The following DENND1A variants were observed in gnomAD, a reference collection of about 807,000 sequenced individuals.
The protein encoded by DENND1A is DENN domain containing 1A.
A neutral mutation model predicts 113.7 loss-of-function variants in DENND1A; 51 were observed. The ratio of observed to expected loss-of-function variants is 0.45; its 90% confidence interval spans 0.36 to 0.57. The LOEUF is 0.57. Among genes scored for constraint, DENND1A ranks in the 20% least tolerant of loss-of-function variants. The pLI is 0.00. For synonymous variants in DENND1A, 565 were observed against 570.8 expected, an observed-to-expected ratio of 0.99 and a Z score of 0.14; for missense variants, 1,258 against 1,395.9, an observed-to-expected ratio of 0.90 and a Z score of 1.57.
intron 20 of DENND1A, among the ~76,000 whole-genome samples, chr9:123,404,420 A>C (rs1588360079): frequency 1.3e-5 from 2 of 152,240 alleles, no homozygotes; most frequent in African/African-American, 4.8e-5. Flanking sequence ...GAGAAAGTCT[A>C]TCTCTGAATT....
intron 2 of DENND1A, among the ~76,000 whole-genome samples, chr9:123,855,800 G>A (rs2133210991): frequency 6.6e-6 from 1 of 152,292 alleles, no homozygotes; most frequent in African/African-American, 2.4e-5. Context: ...CACTTTGTGA[G>A]GCTGAGGCAG....
At chr9:123,627,092 G>C (rs914923018) in intron 10 of DENND1A, among the ~76,000 whole-genome samples, 9 of 152,172 alleles carry the variant, frequency 5.9e-5, no homozygotes, top group African/African-American at 1.9e-4. Context: ...GGTGGGGAGA[G>C]TGAGGGCTCA....
chr9:123,903,611 G>A (rs1460847792), intron 1 of DENND1A, among the ~76,000 whole-genome samples: 4 of 152,236 alleles, frequency 2.6e-5, no homozygotes, highest in Non-Finnish European at 4.4e-5. Flanking sequence ...AAGAGGTGAC[G>A]GATGCACCTG....
chr9:123,414,587 G>A (rs1193009128), intron 19 of DENND1A: 5 of 1,550,450 alleles, frequency 3.2e-6, no homozygotes, highest in Non-Finnish European at 4.4e-6. Context: ...GATTCACAAC[G>A]CCTGTTAGCA....
At position 123,915,042 on chromosome 9, in the gene DENND1A, A is replaced by G. The variant is rs146034368; in HGVS notation, c.17+14847T>C. On this transcript the variant is annotated intron_variant, in intron 1 of 23. Transcript: ENST00000394215. The stretch of plus-strand genomic sequence containing the variant: ...AGGCCAAGGCCCCCACAAAGGCTGC[A>G]AAGTAGAGGTTTCCATCCTGCCAAC... Among the ~76,000 whole-genome samples the G allele has an allele frequency of 3.0e-3, 460 of 152,260 alleles. 6 individuals are homozygous for G. The highest frequency in any genetic ancestry group is 4.7e-3 in the Non-Finnish European group (317 of 68,000).
chr9:123,556,888 GAGA>G (rs1342847402), intron 13 of DENND1A, among the ~76,000 whole-genome samples: 11 of 152,240 alleles, frequency 7.2e-5, no homozygotes, highest in African/African-American at 2.7e-4. Context: ...CTTGGTTTCA[GAGA>G]AGACCTGCTG....
intron 5 of DENND1A, among the ~76,000 whole-genome samples, chr9:123,756,415 A>G (rs1340208362): frequency 6.6e-6 from 1 of 152,190 alleles, no homozygotes; most frequent in Non-Finnish European, 1.5e-5. Context: ...AATGTAAATA[A>G]TCATTTACAT....
At chr9:123,437,034 G>T (rs1179582039) in intron 19 of DENND1A, among the ~76,000 whole-genome samples, 1 of 152,148 alleles carries the variant, frequency 6.6e-6, no homozygotes, top group Non-Finnish European at 1.5e-5. Flanking sequence ...ACTATGAAGT[G>T]ACTATGACTA....
intron 9 of DENND1A, among the ~76,000 whole-genome samples, chr9:123,633,026 G>A (rs1275111010): frequency 6.6e-6 from 1 of 152,118 alleles, no homozygotes; most frequent in Non-Finnish European, 1.5e-5. Flanking sequence ...TCCTGCCTCA[G>A]CCTTCTGAGT....
At chr9:123,500,031 G>T (rs962461259) in intron 13 of DENND1A, among the ~76,000 whole-genome samples, 1 of 152,218 alleles carries the variant, frequency 6.6e-6, no homozygotes, top group African/African-American at 2.4e-5. Flanking sequence ...CTACATAGGG[G>T]TTTAATTACT....
At chr9:123,390,070 G>A (rs1479514476) in intron 21 of DENND1A, among the ~76,000 whole-genome samples, 5 of 152,214 alleles carry the variant, frequency 3.3e-5, no homozygotes, top group East Asian at 1.9e-4. Context: ...TCAGCTCAGC[G>A]GGACTTCTAC....
Position 123,440,366 on chromosome 9 carries a change from A to G in DENND1A, c.1482T>C (p.Phe494=). ...GGAGGGCCAGGGTACACACCTGTCC[A>G]AAGTGGACTGTGATTGGCCGCCGGT... ...REDRRPITVH[F]GQLQRLRPTR... The change falls in exon 19 of 24, where the codon TTT becomes TTC. Residue 494 remains phenylalanine (F), a synonymous_variant. Transcript: ENST00000394215. 7 of 1,601,058 alleles carry G rather than the reference A, an allele frequency of 4.4e-6. No homozygotes were observed. The highest frequency in any genetic ancestry group is 6.0e-6 in the Non-Finnish European group (7 of 1,175,338).
At chr9:123,670,665 C>G (rs2063721232) in intron 7 of DENND1A, among the ~76,000 whole-genome samples, 1 of 152,210 alleles carries the variant, frequency 6.6e-6, no homozygotes, top group African/African-American at 2.4e-5. Context: ...TAAGCACTCT[C>G]CTGCTCTGTC....
At chr9:123,903,981 C>A (rs1391429833) in intron 1 of DENND1A, among the ~76,000 whole-genome samples, 1 of 152,092 alleles carries the variant, frequency 6.6e-6, no homozygotes, top group Non-Finnish European at 1.5e-5. Flanking sequence ...TGTCTGACAG[C>A]TTTGAAGAGA....
chr9:123,650,454 A>G (rs1435522939), intron 9 of DENND1A, among the ~76,000 whole-genome samples: 1 of 152,176 alleles, frequency 6.6e-6, no homozygotes, highest in Non-Finnish European at 1.5e-5. Context: ...CTCCACTTAT[A>G]AAAATATTTT....
rs149745404 is a variant in DENND1A, at chr9:123,463,270, A to G, written c.994-5373T>C. Among the ~76,000 whole-genome samples, 11 of 152,328 alleles carry G rather than the reference A, an allele frequency of 7.2e-5. No homozygotes were observed. In the East Asian group the frequency reaches 2.1e-3, roughly 29 times the overall value. The stretch of plus-strand genomic sequence containing the variant: ...GTCGAGAACTTTGTTACAAAAAGAC[A>G]AGTTTTACTCCTGGATTATCTTCTT... On this transcript the variant is annotated intron_variant, in intron 13 of 23. Coordinates refer to ENST00000394215, the MANE Select transcript of DENND1A (RefSeq NM_001352964.2).
intron 13 of DENND1A, among the ~76,000 whole-genome samples, chr9:123,525,594 C>G (rs987438206): frequency 1.3e-5 from 2 of 152,160 alleles, no homozygotes; most frequent in Non-Finnish European, 2.9e-5. Flanking sequence ...CACTATGACC[C>G]TGCTCTACAG....
chr9:123,609,393 A>T, intron 11 of DENND1A, 43 bp downstream of exon 11: 1 of 1,601,774 alleles, frequency 6.2e-7, no homozygotes, highest in Non-Finnish European at 8.5e-7. Context: ...AATGAAACAA[A>T]GCCCCAGGTA....
intron 19 of DENND1A, among the ~76,000 whole-genome samples, chr9:123,416,428 G>A (rs540727494): frequency 6.6e-6 from 1 of 152,212 alleles, no homozygotes; most frequent in African/African-American, 2.4e-5. Flanking sequence ...TCTTTCCACC[G>A]CTGAAGGAAA....
Sources: allele counts gnomAD v4.1 joint callset (sites outside exome capture counted in the v4.1 genomes callset), GRCh38; gene constraint gnomAD v4.1.1; transcripts MANE v1.5; gene names NCBI Gene and HGNC (gene_info 2026-07-23, HGNC 2026-07-21).